The following RAB14 variants were observed in gnomAD, a reference collection of about 807,000 sequenced individuals.
RAB14 encodes the protein ras-related protein Rab-14.
Under a neutral mutation model 31.1 loss-of-function variants are expected in RAB14, and 3 were observed. The ratio of observed to expected loss-of-function variants is 0.10; its 90% CI spans 0.04 to 0.25. The LOEUF is 0.25. Ranked by LOEUF, RAB14 falls within the 10% of genes least tolerant of loss-of-function variation. RAB14 has a pLI of 1.00. For missense variants in RAB14, 111 were observed against 260.1 expected (o/e 0.43, Z 3.94); for synonymous variants, 85 against 84.9 (o/e 1.00, Z 0.00).
intron 1 of RAB14, among the ~76,000 whole-genome samples, chr9:121,201,335 G>C (rs1379182876): frequency 6.6e-6 from 1 of 152,112 alleles, no homozygotes; most frequent in Non-Finnish European, 1.5e-5. Context: ...CGCCGAGAAG[G>C]CGGGGAAGGC....
chr9:121,193,031 G>A (rs899289485), intron 2 of RAB14, among the ~76,000 whole-genome samples: 1 of 151,972 alleles, frequency 6.6e-6, no homozygotes, highest in Non-Finnish European at 1.5e-5. Context: ...AGAAACCCAG[G>A]GGAATCTGAG....
intron 7 of RAB14, among the ~76,000 whole-genome samples, 171 bp from the exon 8 acceptor site, chr9:121,181,744 C>CTTTTTTTTT (rs3838268): frequency 3.9e-5 from 4 of 102,900 alleles, no homozygotes; most frequent in Non-Finnish European, 5.9e-5. Flanking sequence ...AACTATTTTC[C>CTTTTTTTTT]TTTTTTTTTT....
At chr9:121,198,873 ATAATC>A (rs1390010038) in intron 1 of RAB14, among the ~76,000 whole-genome samples, 1 of 152,136 alleles carries the variant, frequency 6.6e-6, no homozygotes, top group East Asian at 1.9e-4. Flanking sequence ...AGTTAATCTA[ATAATC>A]TAATCTAATA....
intron 1 of RAB14, among the ~76,000 whole-genome samples, chr9:121,201,240 T>C (rs1281571807): frequency 6.6e-6 from 1 of 152,006 alleles, no homozygotes; most frequent in African/African-American, 2.4e-5. Context: ...GCGGCACGCG[T>C]GGGTACACCC....
At chr9:121,193,788 C>G (rs1368176773) in intron 1 of RAB14, among the ~76,000 whole-genome samples, 1 of 152,112 alleles carries the variant, frequency 6.6e-6, no homozygotes, top group Non-Finnish European at 1.5e-5. Context: ...ACTATAGTCT[C>G]TTCTCCCCTT....
At chr9:121,183,286 AC>A (rs769761281) in intron 6 of RAB14, 24 bp downstream of exon 6, 14 of 1,555,496 alleles carry the variant, frequency 9.0e-6, no homozygotes, top group African/African-American at 1.4e-5. Flanking sequence ...CCCAATTGTG[AC>A]CATTAAGTCT....
intron 5 of RAB14, among the ~76,000 whole-genome samples, chr9:121,185,042 C>T (rs2053651862): frequency 6.6e-6 from 1 of 152,122 alleles, no homozygotes; most frequent in Non-Finnish European, 1.5e-5. Flanking sequence ...GAGAACACAA[C>T]TTCTACACAG....
intron 5 of RAB14, among the ~76,000 whole-genome samples, chr9:121,185,912 C>T (rs1300440876): frequency 2.0e-5 from 3 of 151,926 alleles, no homozygotes; most frequent in Non-Finnish European, 4.4e-5. Context: ...GGGTTTAATG[C>T]GATAATGGAA....
At chr9:121,196,705 A>G (rs1473921999) in intron 1 of RAB14, among the ~76,000 whole-genome samples, 1 of 152,190 alleles carries the variant, frequency 6.6e-6, no homozygotes, top group African/African-American at 2.4e-5. Context: ...CACTCGCTTA[A>G]TTATAATTTA....
At chr9:121,196,644 T>A (rs564086129) in intron 1 of RAB14, among the ~76,000 whole-genome samples, 3 of 152,270 alleles carry the variant, frequency 2.0e-5, no homozygotes, top group Non-Finnish European at 2.9e-5. Context: ...CTCTCCACCG[T>A]CGTGCCTCCT....
intron 1 of RAB14, among the ~76,000 whole-genome samples, chr9:121,196,362 T>C (rs980899822): frequency 2.0e-4 from 31 of 152,186 alleles, no homozygotes; most frequent in African/African-American, 7.5e-4. Context: ...ATTTAACACA[T>C]AATCAACAAT....
At position 121,180,690 on chromosome 9, in the gene RAB14, TTAAAA is replaced by T. The variant is rs1318056920; in HGVS notation, c.*701_*705del. 1.3e-5 allele frequency: 2 copies of T among 152,666 alleles called. No homozygotes were observed. The highest frequency in any genetic ancestry group is 2.9e-5 in the Non-Finnish European group (2 of 68,036). 9.5% of individuals were successfully genotyped at this position (152,666 alleles called of 1,614,324 possible). A position where few individuals can be genotyped will look rare whatever the true frequency, so the allele number is the denominator to read the frequency against. On this transcript the variant is annotated 3_prime_UTR_variant, in exon 8 of 8. Transcript: ENST00000373840. ...GCCAGTAATCAATTTATTTTCTTCATTAAAATAATATACACAGAATGTATTGTTAG... is the reference window on the plus strand; with the variant it reads ...GCCAGTAATCAATTTATTTTCTTCATTAATATACACAGAATGTATTGTTAG...
chr9:121,187,219 A>G (rs748625308), intron 4 of RAB14, among the ~76,000 whole-genome samples, 200 bp from the exon 5 acceptor site: 1 of 152,096 alleles, frequency 6.6e-6, no homozygotes, highest in African/African-American at 2.4e-5. Flanking sequence ...AAACAACTCA[A>G]TATCCAACAA....
intron 5 of RAB14, among the ~76,000 whole-genome samples, chr9:121,185,550 C>G (rs2053654270): frequency 6.6e-6 from 1 of 152,148 alleles, no homozygotes; most frequent in South Asian, 2.1e-4. Context: ...TGTCATCACA[C>G]CACTACCACC....
At chr9:121,181,600 G>C in intron 7 of RAB14, 27 bp from the exon 8 acceptor site, 1 of 1,564,200 alleles carries the variant, frequency 6.4e-7, no homozygotes, top group South Asian at 1.1e-5. Flanking sequence ...AACTTTATTG[G>C]AGAACCACAG....
chr9:121,185,747 G>A (rs536530974), intron 5 of RAB14, among the ~76,000 whole-genome samples: 13 of 152,108 alleles, frequency 8.5e-5, no homozygotes, highest in African/African-American at 2.7e-4. Context: ...TCATTCCTAC[G>A]TACGGCTTAG....
At chr9:121,181,701 A>G (rs1194355125) in intron 7 of RAB14, 128 bp from the exon 8 acceptor site, 1 of 512,488 alleles carries the variant, frequency 2.0e-6, no homozygotes, top group Non-Finnish European at 3.3e-6. Flanking sequence ...CTAATAAGAG[A>G]TTACCAGAAC....
intron 3 of RAB14, 131 bp from the exon 4 acceptor site, chr9:121,190,862 C>A (rs2053682679): frequency 2.4e-6 from 2 of 832,828 alleles, no homozygotes; most frequent in Non-Finnish European, 3.5e-6. Flanking sequence ...AAAGCTACCG[C>A]TAAAAAAAAA....
Position 121,180,994 on chromosome 9 carries a change from T to C in RAB14, c.*402A>G, listed in dbSNP as rs905724366. 1 of 156,210 alleles carries C rather than the reference T, an allele frequency of 6.4e-6. No individual in the cohort carries two copies. Among genetic ancestry groups the C allele is most frequent in the Non-Finnish European group, 1.4e-5 (1 of 70,618 alleles). The allele number at this position is 156,210 out of a possible 1,614,324, so 9.7% of individuals were successfully genotyped here. A position where few individuals can be genotyped will look rare whatever the true frequency, so the allele number is the denominator to read the frequency against. Reference sequence around the variant, plus strand: ...ATAAACTTATTGGTTACAACAGACATACTTGAACAGTTAAGGATGGGAAGA... The same window carrying C: ...ATAAACTTATTGGTTACAACAGACACACTTGAACAGTTAAGGATGGGAAGA... On this transcript the variant is annotated 3_prime_UTR_variant, in exon 8 of 8. Transcript: ENST00000373840.
Sources: gnomAD v4.1 joint callset for allele counts (sites outside exome capture counted in the v4.1 genomes callset) on GRCh38, gnomAD v4.1.1 for gene constraint, MANE v1.5 for transcripts, NCBI Gene and HGNC (gene_info 2026-07-23, HGNC 2026-07-21) for gene names.